The following BOD1L1 variants were observed in gnomAD, a reference collection of about 807,000 sequenced individuals.
BOD1L1 encodes the protein biorientation of chromosomes in cell division 1 like 1.
In BOD1L1, 86 loss-of-function variants were observed where a neutral mutation model predicts 240.7. That is an observed-to-expected ratio of 0.36 (90% CI 0.30 to 0.43). The LOEUF is 0.43. BOD1L1 is among the 20% of genes least tolerant of loss of function. The pLI, the probability that BOD1L1 is intolerant of heterozygous loss-of-function variation, is 1.00. For missense variants in BOD1L1, 3,554 were observed against 3,643.5 expected (o/e 0.98, Z 0.63); for synonymous variants, 1,268 against 1,272.3 (o/e 1.00, Z 0.07).
Position 13,580,709 on chromosome 4 carries a change from G to C in BOD1L1, c.8703+311C>G, listed in dbSNP as rs540817501. On this transcript the variant is annotated intron_variant, in intron 21 of 25. Transcript: ENST00000040738. ...AAGACAACTCACAAGTCTCTATAAA[G>C]AAGCCACTATCTCAAAATCTTATAA... 3.2e-4 allele frequency among the ~76,000 whole-genome samples: 48 copies of C among 152,194 alleles called. No individual in the cohort carries two copies. In the South Asian group the frequency reaches 9.7e-3, roughly 31 times the overall value.
intron 13 of BOD1L1, among the ~76,000 whole-genome samples, chr4:13,591,176 A>G (rs1299113337): frequency 6.6e-6 from 1 of 152,082 alleles, no homozygotes; most frequent in Non-Finnish European, 1.5e-5. Flanking sequence ...AGTAGCTGGG[A>G]CTATAGGCCA....
intron 2 of BOD1L1, among the ~76,000 whole-genome samples, chr4:13,618,980 G>A (rs556638668): frequency 6.6e-6 from 1 of 151,796 alleles, no homozygotes; most frequent in South Asian, 2.1e-4. Flanking sequence ...TTTTTGAGGG[G>A]TATAGCAAGG....
intron 2 of BOD1L1, among the ~76,000 whole-genome samples, chr4:13,616,433 G>C (rs959005527): frequency 2.0e-5 from 3 of 152,204 alleles, no homozygotes; most frequent in East Asian, 3.8e-4. Context: ...AGAGACAAAA[G>C]AGCGATGAGG....
chr4:13,590,440 T>G lies in BOD1L1; in HGVS notation c.8155A>C (p.Asn2719His). The G allele has an allele frequency of 6.6e-7, 1 of 1,505,096 alleles. No homozygotes were observed. Among genetic ancestry groups the G allele is most frequent in the Non-Finnish European group, 9.1e-7 (1 of 1,098,412 alleles). The allele number at this position is 1,505,096 out of a possible 1,614,324, so 93.2% of individuals were successfully genotyped here. A position where few individuals can be genotyped will look rare whatever the true frequency, so the allele number is the denominator to read the frequency against. Reference protein sequence around the residue: ...LLVNESLNVENSGFRTNEEIH... With the variant: ...LLVNESLNVEHSGFRTNEEIH... ...TCTTCATTTGTTCTGAAGCCTGAAT[T>G]TTCAACCTAAATATACAATATAAAA... The change falls in exon 14 of 26, where the codon AAT becomes CAT. Residue 2719 changes from asparagine (N) to histidine (H), a missense_variant. Physicochemically the swap from Asn to His is moderately conservative, Grantham distance 68. Around this residue, in one of 2 missense-constraint regions of BOD1L1, gnomAD observed 3,393 missense variants for 3,427.1 expected, o/e 0.99. Coordinates refer to ENST00000040738, the MANE Select transcript of BOD1L1 (RefSeq NM_148894.3).
intron 12 of BOD1L1, 113 bp downstream of exon 12, chr4:13,595,747 C>A: frequency 1.5e-6 from 1 of 689,620 alleles, no homozygotes; most frequent in Non-Finnish European, 2.4e-6. Flanking sequence ...AAGTGAGAGG[C>A]AAGTTAATAG....
Position 13,577,429 on chromosome 4 carries a change from C to A in BOD1L1, c.8858G>T (p.Arg2953Leu), listed in dbSNP as rs199553852. Residue 2953 changes from arginine (R) to leucine (L), a missense_variant, in exon 24 of 26, where the codon CGT (arginine) becomes CTT (leucine). By Grantham distance (102) the Arg-to-Leu change is moderately radical. Transcript: ENST00000040738. ...AGCATCATCTGATACAGTGAGAGAA[C>A]GTTTGGGTTTTCTTCCTCTCCGACG... ...SVRRRGRKPK[R>L]SLTVSDDAES... 8 of 1,613,578 alleles carry A rather than the reference C, an allele frequency of 5.0e-6. No homozygotes were observed. The highest frequency in any genetic ancestry group is 3.4e-6 in the Non-Finnish European group (4 of 1,179,770).
rs1712076707 is a variant in BOD1L1 at position 13,570,111 on chromosome 4, G to C, written c.9056C>G (p.Ser3019Cys). Residue 3019 changes from serine to cysteine, a missense_variant, in exon 26 of 26, where the codon TCC (serine) becomes TGC (cysteine). Ser to Cys is a moderately radical substitution (Grantham distance 112). This residue lies in a region of BOD1L1 where 3,393 missense variants were observed against 3,427.1 expected (regional missense o/e 0.99). Coordinates refer to ENST00000040738, the MANE Select transcript of BOD1L1 (RefSeq NM_148894.3). ...TTCTCTCTTGCGCTTGATAGAAGGGGAGAGCTGTGTCTTTGATCTGCATTA... is the reference window on the plus strand; with the variant it reads ...TTCTCTCTTGCGCTTGATAGAAGGGCAGAGCTGTGTCTTTGATCTGCATTA... ...SEAQRSKTQLSPSIKRKREVS... is the reference protein window; with the variant it reads ...SEAQRSKTQLCPSIKRKREVS... The C allele has an allele frequency of 6.3e-7, 1 of 1,598,726 alleles. No homozygotes were observed. The highest frequency in any genetic ancestry group is 1.4e-5 in the African/African-American group (1 of 73,972).
chr4:13,607,113 A>C lies in BOD1L1; in HGVS notation c.1815+4T>G. 1 of 1,544,476 alleles carries C rather than the reference A, an allele frequency of 6.5e-7. No individual in the cohort carries two copies. The highest frequency in any genetic ancestry group is 8.8e-7 in the Non-Finnish European group (1 of 1,140,566). On this transcript the variant is annotated splice_donor_region_variant and intron_variant, in intron 9 of 25. Transcript: ENST00000040738. ...ATTTGAAATGAGGTTTTATTAAGGC[A>C]TACCTCACTTGTTTTAAGGGTTTCT...
intron 11 of BOD1L1, among the ~76,000 whole-genome samples, chr4:13,596,427 C>T (rs1714626052): frequency 6.6e-6 from 1 of 152,148 alleles, no homozygotes; most frequent in Non-Finnish European, 1.5e-5. Context: ...CTCCTGTCTA[C>T]CTGCCTATTG....
chr4:13,603,809 C>T lies in BOD1L1; in HGVS notation c.3091G>A (p.Asp1031Asn), dbSNP rs759929621. 1 of 1,613,428 alleles carries T rather than the reference C, an allele frequency of 6.2e-7. No individual in the cohort carries two copies. Among genetic ancestry groups the T allele is most frequent in the Non-Finnish European group, 8.5e-7 (1 of 1,179,834 alleles). ...TTATTTTCGTCCTTCTTTTTTATGT[C>T]TTTACTACTATGCTTTAAGCTTCTG... ...KSRSLKHSSK[D>N]IKKKDENKSD... is the part of the protein sequence containing the mutation. Residue 1031 changes from aspartate (D) to asparagine (N), a missense_variant, in exon 10 of 26, where the codon GAC (aspartate) becomes AAC (asparagine). Physicochemically the swap from Asp to Asn is conservative, Grantham distance 23. Around this residue, in one of 2 missense-constraint regions of BOD1L1, gnomAD observed 3,393 missense variants for 3,427.1 expected, o/e 0.99. Coordinates refer to ENST00000040738, the MANE Select transcript of BOD1L1 (RefSeq NM_148894.3).
At chr4:13,587,585 TGTAAA>T in intron 16 of BOD1L1, 109 bp downstream of exon 16, 1 of 749,030 alleles carries the variant, frequency 1.3e-6, no homozygotes, top group Non-Finnish European at 2.2e-6. Context: ...CCTCAAGACT[TGTAAA>T]GTAGAGAGTT....
At chr4:13,611,662 C>T (rs1200173128) in intron 5 of BOD1L1, among the ~76,000 whole-genome samples, 1 of 152,248 alleles carries the variant, frequency 6.6e-6, no homozygotes, top group Non-Finnish European at 1.5e-5. Flanking sequence ...CTGGAGCTAT[C>T]TCTCAGCCTA....
chr4:13,579,395 T>C (rs1258932760), intron 22 of BOD1L1, among the ~76,000 whole-genome samples: 1 of 152,226 alleles, frequency 6.6e-6, no homozygotes, highest in Non-Finnish European at 1.5e-5. Flanking sequence ...CATAGTTAAA[T>C]GTGGAAACAA....
chr4:13,599,253 A>G lies in BOD1L1; in HGVS notation c.7647T>C (p.His2549=), dbSNP rs140356420. ...CCTGCTGCTCAGCAGGAAGAAAGGA[A>G]TGCTCAGCCACGGTCCCTTGAACAG... is the stretch of plus-strand genomic sequence containing the variant. ...MPPVQGTVAE[H]SFLPAEQQGS... is the part of the protein sequence containing the mutation. The change falls in exon 10 of 26, where the codon CAT becomes CAC. Residue 2549 remains histidine, a synonymous_variant. Transcript: ENST00000040738. The G allele has an allele frequency of 5.6e-6, 9 of 1,613,608 alleles. No homozygotes were observed. The African/African-American group carries it at 9.3e-5, about 17-fold the overall frequency.
rs750792952 is a variant in BOD1L1 at position 13,600,628 on chromosome 4, A to G, written c.6272T>C (p.Val2091Ala). Residue 2091 changes from valine to alanine, a missense_variant, in exon 10 of 26, where the codon GTG becomes GCG. This residue lies in a region of BOD1L1 where 3,393 missense variants were observed against 3,427.1 expected (regional missense o/e 0.99). Transcript: ENST00000040738. The stretch of plus-strand genomic sequence containing the variant: ...CAGAGCATCTGAGAGACCTCCTTCC[A>G]CATCTGTAATTGCGCTTACCTGAGG... ...YTPQVSAITD[V>A]EGGLSDALRT... 9.9e-6 allele frequency: 16 copies of G among 1,613,552 alleles called. No homozygotes were observed. Among genetic ancestry groups the G allele is most frequent in the Non-Finnish European group, 1.1e-5 (13 of 1,179,812 alleles).
chr4:13,615,565 T>C (rs1716522003), intron 2 of BOD1L1, 63 bp from the exon 3 acceptor site: 1 of 1,395,552 alleles, frequency 7.2e-7, no homozygotes, highest in Non-Finnish European at 9.8e-7. Flanking sequence ...TTAATTACTT[T>C]AAAATAACAC....
At chr4:13,594,327 C>T (rs1714442531) in intron 12 of BOD1L1, among the ~76,000 whole-genome samples, 1 of 152,100 alleles carries the variant, frequency 6.6e-6, no homozygotes, top group Non-Finnish European at 1.5e-5. Flanking sequence ...GTTCCTAGTA[C>T]TTAGAAAAAA....
At position 13,614,555 on chromosome 4, in the gene BOD1L1, T is replaced by G. The variant is rs960921045; in HGVS notation, c.815A>C (p.Glu272Ala). ...STADSGGEGL[E>A]TAPKSEEFSD... is the part of the protein sequence containing the mutation. ...GAACTCTTCAGACTTTGGGGCTGTT[T>G]CCAGTCCTTCACCTCCAGAGTCAGC... The change falls in exon 4 of 26, where the codon GAA becomes GCA. Residue 272 changes from glutamate to alanine, a missense_variant. By Grantham distance (107) the Glu-to-Ala change is moderately radical. Coordinates refer to ENST00000040738, the MANE Select transcript of BOD1L1 (RefSeq NM_148894.3). 5.0e-6 allele frequency: 8 copies of G among 1,614,006 alleles called. No individual in the cohort carries two copies. The highest frequency in any genetic ancestry group is 6.8e-6 in the Non-Finnish European group (8 of 1,179,882).
Position 13,627,491 on chromosome 4 carries a change from C to A in BOD1L1, c.97G>T (p.Gly33Trp). 1 of 996,206 alleles carries A rather than the reference C, an allele frequency of 1.0e-6. No individual in the cohort carries two copies. Among genetic ancestry groups the A allele is most frequent in the Non-Finnish European group, 1.2e-6 (1 of 838,242 alleles). 61.7% of individuals were successfully genotyped at this position (996,206 alleles called of 1,614,324 possible). A position where few individuals can be genotyped will look rare whatever the true frequency, so the allele number is the denominator to read the frequency against. ...GCCCCGCCCGCGCCGGGGCCAGCCC[C>A]GGGGCCCGGCGGCGGCGGCGGTGGC... ...PQPPPPPPGP[G>W]AGPGAGGAGG... Residue 33 changes from glycine to tryptophan, a missense_variant, in exon 1 of 26, where the codon GGG becomes TGG. Gly to Trp is a radical substitution (Grantham distance 184). Coordinates refer to ENST00000040738, the MANE Select transcript of BOD1L1 (RefSeq NM_148894.3).
Sources: gnomAD v4.1 joint callset for allele counts (sites outside exome capture counted in the v4.1 genomes callset) on GRCh38, gnomAD v4.1.1 for gene constraint, gnomAD v4.1.1 regional missense constraint, MANE v1.5 for transcripts, NCBI Gene and HGNC (gene_info 2026-07-23, HGNC 2026-07-21) for gene names.